NUP58: variants seen among roughly 807,000 people sequenced by gnomAD.
NUP58 encodes nucleoporin p58/p45.
In NUP58, 17 loss-of-function variants were observed where a neutral mutation model predicts 70.1. The observed-to-expected ratio is 0.24, with a 90% CI of 0.17 to 0.36. NUP58 has a LOEUF of 0.36. Among genes scored for constraint, NUP58 ranks in the 10% least tolerant of loss-of-function variants. The pLI, the probability that NUP58 is intolerant of heterozygous loss-of-function variation, is 1.00. For missense variants in NUP58, 644 were observed against 701.5 expected (o/e 0.92, Z 0.93); for synonymous variants, 275 against 257.6 (o/e 1.07, Z -0.65).
Position 25,319,349 on chromosome 13 carries a change from G to A in NUP58, c.709G>A (p.Glu237Lys). ...KKSDKTGTRP[E>K]DSKALKDENL... ...AGGTGATAAAACGGGAACAAGACCA[G>A]AGTAAGTTTACAAATTTACCCTTAA... Residue 237 changes from glutamate (E) to lysine (K), a missense_variant and splice_region_variant, in exon 7 of 16, where the codon GAG (glutamate) becomes AAG (lysine). Glu to Lys is a moderately conservative substitution (Grantham distance 56). Around this residue, in one of 4 missense-constraint regions of NUP58, gnomAD observed 430 missense variants for 409.2 expected, o/e 1.05. Transcript: ENST00000381736. The A allele has an allele frequency of 6.2e-7, 1 of 1,612,564 alleles. No individual in the cohort carries two copies. Among genetic ancestry groups the A allele is most frequent in the Non-Finnish European group, 8.5e-7 (1 of 1,178,972 alleles).
Position 25,323,406 on chromosome 13 carries a change from C to T in NUP58, c.952-1583C>T, listed in dbSNP as rs1294788036. On this transcript the variant is annotated intron_variant, in intron 9 of 15. Transcript: ENST00000381736. ...AAAAAAAAAAGATTTTTATTTCATG[C>T]TCACCAGGTCAAAGGGGAAGAAGAA... 3.3e-5 allele frequency among the ~76,000 whole-genome samples: 5 copies of T among 151,188 alleles called. No homozygotes were observed. The South Asian group carries it at 1.0e-3, about 32-fold the overall frequency.
intron 6 of NUP58, 38 bp from the exon 7 acceptor site, chr13:25,319,288 A>G: frequency 6.3e-7 from 1 of 1,587,328 alleles, no homozygotes; most frequent in Middle Eastern, 1.7e-4. Flanking sequence ...TTGTTCAATT[A>G]CCAATTTTTT....
At chr13:25,318,214 G>C (rs906499049) in intron 6 of NUP58, among the ~76,000 whole-genome samples, 8 of 152,022 alleles carry the variant, frequency 5.3e-5, no homozygotes, top group Non-Finnish European at 1.2e-4. Flanking sequence ...TGTAATCCCA[G>C]CTACTCGGGA....
intron 13 of NUP58, chr13:25,335,855 A>G (rs2031762069): frequency 9.5e-7 from 1 of 1,050,304 alleles, no homozygotes; most frequent in South Asian, 3.1e-5. Context: ...TTTGAGATGC[A>G]CTGATCACTG....
intron 1 of NUP58, among the ~76,000 whole-genome samples, chr13:25,303,496 C>G (rs2137699235): frequency 6.6e-6 from 1 of 151,048 alleles, no homozygotes; most frequent in South Asian, 2.1e-4. Flanking sequence ...TTATATTTCT[C>G]TCATGGTCCT....
At chr13:25,349,104 C>T (rs1010015404) in intron 3 of NUP58, among the ~76,000 whole-genome samples, 1 of 152,090 alleles carries the variant, frequency 6.6e-6, no homozygotes, top group Non-Finnish European at 1.5e-5. Flanking sequence ...TACAGGCTTC[C>T]AATACAGGCT....
At chr13:25,314,961 T>G (rs1338487637) in intron 5 of NUP58, among the ~76,000 whole-genome samples, 2 of 152,164 alleles carry the variant, frequency 1.3e-5, no homozygotes, top group African/African-American at 2.4e-5. Context: ...TAGATTATCT[T>G]AAAAGTATGT....
In NUP58 at chr13:25,307,835, A is replaced by G; in HGVS notation, c.137A>G (p.Asn46Ser). ...CCTTCTGTGGGGCTCAATTTTGGAA[A>G]TCTTGGAAGTACTTCAACTCCAGCA... Reference protein sequence around the residue: ...SNPSVGLNFGNLGSTSTPATT... With the variant: ...SNPSVGLNFGSLGSTSTPATT... Residue 46 changes from asparagine to serine, a missense_variant, in exon 2 of 16, where the codon AAT becomes AGT. Physicochemically the swap from Asn to Ser is conservative, Grantham distance 46. Transcript: ENST00000381736. The G allele has an allele frequency of 6.2e-7, 1 of 1,614,102 alleles. No homozygotes were observed. Among genetic ancestry groups the G allele is most frequent in the East Asian group, 2.2e-5 (1 of 44,870 alleles).
intron 5 of NUP58, among the ~76,000 whole-genome samples, chr13:25,314,864 A>G (rs973135649): frequency 3.3e-5 from 5 of 152,176 alleles, no homozygotes; most frequent in African/African-American, 4.8e-5. Context: ...ATGAATTCTA[A>G]TACTTTTTTT....
At chr13:25,322,302 T>C (rs1003712210) in intron 9 of NUP58, among the ~76,000 whole-genome samples, 1 of 152,230 alleles carries the variant, frequency 6.6e-6, no homozygotes, top group Admixed American at 6.5e-5. Flanking sequence ...GAATATCTTG[T>C]AATCTTTTTA....
At chr13:25,334,684 A>G in intron 13 of NUP58, 1 of 979,406 alleles carries the variant, frequency 1.0e-6, no homozygotes, top group Non-Finnish European at 1.2e-6. Context: ...TGGGGTGATC[A>G]TGGAAAATTA....
intron 9 of NUP58, among the ~76,000 whole-genome samples, chr13:25,324,055 G>A (rs1488683167): frequency 6.6e-6 from 1 of 152,128 alleles, no homozygotes; most frequent in African/African-American, 2.4e-5. Flanking sequence ...AGATCTACAA[G>A]CAGTTTAGTG....
chr13:25,306,880 C>A, intron 1 of NUP58, among the ~76,000 whole-genome samples: 1 of 152,100 alleles, frequency 6.6e-6, no homozygotes, highest in East Asian at 1.9e-4. Flanking sequence ...TGAAGAGTTT[C>A]TGTTAATGAA....
At chr13:25,319,044 T>C (rs56156018) in intron 6 of NUP58, among the ~76,000 whole-genome samples, 1 of 152,128 alleles carries the variant, frequency 6.6e-6, no homozygotes, top group African/African-American at 2.4e-5. Context: ...CATAAAATGC[T>C]TTGCTTCTGA....
rs2031439138 is a variant in NUP58 at position 25,327,434 on chromosome 13, G to A, written c.1155G>A (p.Leu385=). Residue 385 remains leucine (L), a synonymous_variant, in exon 12 of 16, where the codon TTG becomes TTA. Transcript: ENST00000381736. ...TAATGTAATTTTCTTTTATAGATTTGTCAATGGCTATGCAGAAAATTTATC... is the reference window on the plus strand; with the variant it reads ...TAATGTAATTTTCTTTTATAGATTTATCAATGGCTATGCAGAAAATTTATC... ...ANNSHITPQD[L]SMAMQKIYQT... is the part of the protein sequence containing the mutation. 3.1e-6 allele frequency: 5 copies of A among 1,596,038 alleles called. No individual in the cohort carries two copies. The highest frequency in any genetic ancestry group is 4.3e-6 in the Non-Finnish European group (5 of 1,165,740).
chr13:25,314,744 A>T (rs1426095793), intron 5 of NUP58, among the ~76,000 whole-genome samples: 3 of 152,102 alleles, frequency 2.0e-5, no homozygotes, highest in Non-Finnish European at 2.9e-5. Flanking sequence ...TCAACACAAG[A>T]TGCTTGAAAT....
chr13:25,330,525 A>G (rs1053536741), intron 12 of NUP58, among the ~76,000 whole-genome samples: 1 of 152,228 alleles, frequency 6.6e-6, no homozygotes, highest in Non-Finnish European at 1.5e-5. Context: ...AAGAAATATG[A>G]AAAATCTGTG....
At chr13:25,332,818 TG>T (rs1360310211) in intron 13 of NUP58, 17 of 985,352 alleles carry the variant, frequency 1.7e-5, no homozygotes, top group Non-Finnish European at 2.0e-5. Flanking sequence ...AAAGTCATTA[TG>T]GGATTGATTC....
At chr13:25,318,255 G>T (rs1005688505) in intron 6 of NUP58, among the ~76,000 whole-genome samples, 1 of 152,038 alleles carries the variant, frequency 6.6e-6, no homozygotes, top group African/African-American at 2.4e-5. Flanking sequence ...TTGAACCTGG[G>T]CAGCAGAGGT....
Sources: allele counts gnomAD v4.1 joint callset (sites outside exome capture counted in the v4.1 genomes callset), GRCh38; gene constraint gnomAD v4.1.1; regional missense constraint gnomAD v4.1.1; transcripts MANE v1.5; gene names NCBI Gene and HGNC (gene_info 2026-07-23, HGNC 2026-07-21).